EYS: variants seen among roughly 807,000 people sequenced by gnomAD.
The protein encoded by EYS is EGF-like photoreceptor maintenance factor.
EYS carries 250 observed loss-of-function variants against 282.1 expected under a neutral mutation model. That is an observed-to-expected ratio of 0.89 (90% confidence interval 0.80 to 0.98). EYS has a LOEUF of 0.98. EYS is among the 50% of genes least tolerant of loss of function. EYS has a pLI of 0.00. For synonymous variants in EYS, 1,355 were observed against 1,282.9 expected (o/e 1.06, Z -1.20); for missense variants, 4,016 against 3,709.0 (o/e 1.08, Z -2.15).
chr6:64,214,145 A>T (rs1765861483), intron 31 of EYS, among the ~76,000 whole-genome samples: 1 of 152,138 alleles, frequency 6.6e-6, no homozygotes, highest in Non-Finnish European at 1.5e-5. Context: ...CTTGTGTAAG[A>T]AGAAAAATTC....
At chr6:65,359,887 T>C (rs1228735220) in intron 8 of EYS, among the ~76,000 whole-genome samples, 1 of 152,018 alleles carries the variant, frequency 6.6e-6, no homozygotes, top group African/African-American at 2.4e-5. Context: ...TTCATTTCCA[T>C]ACTTCAGATA....
chr6:65,036,834 A>T (rs961199598), intron 13 of EYS, among the ~76,000 whole-genome samples: 8 of 152,026 alleles, frequency 5.3e-5, no homozygotes, highest in African/African-American at 1.9e-4. Context: ...GTTGTGGGGA[A>T]AAGGGAATAT....
intron 22 of EYS, among the ~76,000 whole-genome samples, chr6:64,736,568 C>A (rs1772188611): frequency 6.6e-6 from 1 of 152,120 alleles, no homozygotes; most frequent in African/African-American, 2.4e-5. Context: ...CAAACTTGTT[C>A]CTCCCTTTGG....
At chr6:64,919,847 A>G (rs1043013487) in intron 15 of EYS, among the ~76,000 whole-genome samples, 1 of 152,148 alleles carries the variant, frequency 6.6e-6, no homozygotes, top group Non-Finnish European at 1.5e-5. Flanking sequence ...CAAGATTCAG[A>G]ATATTCCTCG....
intron 15 of EYS, among the ~76,000 whole-genome samples, chr6:64,927,095 T>A (rs971798514): frequency 6.6e-6 from 1 of 152,180 alleles, no homozygotes; most frequent in African/African-American, 2.4e-5. Context: ...AATGCACATC[T>A]TTTAAACTGA....
intron 26 of EYS, among the ~76,000 whole-genome samples, chr6:64,586,985 AT>A: frequency 6.6e-6 from 1 of 152,076 alleles, no homozygotes; most frequent in Non-Finnish European, 1.5e-5. Context: ...TTTCCTTTGT[AT>A]GTTAAATTAA....
At chr6:64,775,138 A>G (rs916771937) in intron 22 of EYS, among the ~76,000 whole-genome samples, 7 of 151,988 alleles carry the variant, frequency 4.6e-5, no homozygotes, top group African/African-American at 1.4e-4. Context: ...CTGTTTAAAG[A>G]CATTCCAAAT....
intron 7 of EYS, among the ~76,000 whole-genome samples, chr6:65,388,242 C>A (rs1435542183): frequency 6.6e-6 from 1 of 151,914 alleles, no homozygotes; most frequent in African/African-American, 2.4e-5. Flanking sequence ...ACATGCTATA[C>A]CTCTATCCTA....
intron 1 of EYS, among the ~76,000 whole-genome samples, chr6:65,690,814 T>C (rs565226149): frequency 1.3e-5 from 2 of 150,162 alleles, no homozygotes; most frequent in East Asian, 4.6e-4. Context: ...CTCTCACTTA[T>C]GAGTGAGAAC....
chr6:65,522,188 G>T (rs886393990), intron 2 of EYS, among the ~76,000 whole-genome samples: 19 of 151,892 alleles, frequency 1.3e-4, no homozygotes, highest in African/African-American at 4.6e-4. Context: ...ATTTATCTAA[G>T]GTATATAGAG....
chr6:64,995,113 G>A (rs1771206167), intron 14 of EYS, among the ~76,000 whole-genome samples: 1 of 152,044 alleles, frequency 6.6e-6, no homozygotes, highest in Non-Finnish European at 1.5e-5. Flanking sequence ...CTTGGCCCCT[G>A]CAGGAGCTGG....
At chr6:65,370,586 A>G (rs1562128771) in intron 8 of EYS, among the ~76,000 whole-genome samples, 1 of 151,648 alleles carries the variant, frequency 6.6e-6, no homozygotes, top group Non-Finnish European at 1.5e-5. Context: ...TTGACATAAA[A>G]CCATAATGCA....
At chr6:64,481,190 A>T (rs1776426493) in intron 26 of EYS, among the ~76,000 whole-genome samples, 1 of 150,028 alleles carries the variant, frequency 6.7e-6, no homozygotes, top group East Asian at 2.0e-4. Flanking sequence ...AACAGCCAAA[A>T]AATCATATAT....
At chr6:65,473,823 A>G (rs1765302311) in intron 5 of EYS, among the ~76,000 whole-genome samples, 1 of 150,634 alleles carries the variant, frequency 6.6e-6, no homozygotes, top group Non-Finnish European at 1.5e-5. Context: ...AAAAATAACA[A>G]TGTTGGTTAT....
intron 35 of EYS, among the ~76,000 whole-genome samples, chr6:63,973,328 A>G (rs533960826): frequency 1.3e-5 from 2 of 151,968 alleles, no homozygotes; most frequent in East Asian, 3.9e-4. Flanking sequence ...TTTTTTTCAT[A>G]TGTTTGTTGG....
At chr6:65,471,335 G>T (rs1765209509) in intron 5 of EYS, among the ~76,000 whole-genome samples, 1 of 151,740 alleles carries the variant, frequency 6.6e-6, no homozygotes, top group Non-Finnish European at 1.5e-5. Flanking sequence ...GGTTGAGGCT[G>T]CTGTGGGTTG....
chr6:64,761,280 A>G (rs557500152), intron 22 of EYS, among the ~76,000 whole-genome samples: 119 of 152,246 alleles, frequency 7.8e-4, no homozygotes, highest in Admixed American at 2.1e-3. Context: ...CTGAATCCTG[A>G]TTATCACTTA....
intron 26 of EYS, among the ~76,000 whole-genome samples, chr6:64,443,636 G>C (rs1437759142): frequency 1.3e-5 from 2 of 152,162 alleles, no homozygotes; most frequent in Non-Finnish European, 2.9e-5. Context: ...TGCTGTTCTT[G>C]TGATTATGAA....
intron 13 of EYS, among the ~76,000 whole-genome samples, chr6:65,025,337 A>G (rs1339926026): frequency 6.6e-6 from 1 of 152,194 alleles, no homozygotes; most frequent in South Asian, 2.1e-4. Context: ...TGCACATATC[A>G]TGTCTACTAA....
Sources: allele counts gnomAD v4.1 joint callset (sites outside exome capture counted in the v4.1 genomes callset), GRCh38; gene constraint gnomAD v4.1.1; transcripts MANE v1.5; gene names NCBI Gene and HGNC (gene_info 2026-07-23, HGNC 2026-07-21).